Variants in NAALAD2 observed in about 807,000 individuals in gnomAD.
NAALAD2 encodes the protein N-acetylated alpha-linked acidic dipeptidase 2, also known as N-acetylated-alpha-linked acidic dipeptidase 2.
A neutral mutation model predicts 95.6 loss-of-function variants in NAALAD2; 89 were observed. That is an observed-to-expected ratio of 0.93 (90% CI 0.78 to 1.11). The LOEUF is 1.11. Among genes scored for constraint, NAALAD2 ranks in the 50% least tolerant of loss-of-function variants. NAALAD2 has a pLI of 0.00. For synonymous variants in NAALAD2, 264 were observed against 294.4 expected (o/e 0.90, Z 1.06); for missense variants, 894 against 872.4 (o/e 1.02, Z -0.31).
intron 2 of NAALAD2, among the ~76,000 whole-genome samples, chr11:90,146,576 G>A (rs930021807): frequency 5.3e-5 from 8 of 151,838 alleles, no homozygotes; most frequent in African/African-American, 1.9e-4. Context: ...TGTTGGCCAG[G>A]CTGGTCTTGA....
intron 2 of NAALAD2, among the ~76,000 whole-genome samples, chr11:90,136,148 G>C (rs1159353071): frequency 2.0e-5 from 3 of 152,074 alleles, no homozygotes; most frequent in Non-Finnish European, 4.4e-5. Flanking sequence ...AAACCAAAAA[G>C]AATCATTGCC....
At chr11:90,177,402 G>A (rs1028554603) in intron 15 of NAALAD2, among the ~76,000 whole-genome samples, 7 of 150,266 alleles carry the variant, frequency 4.7e-5, no homozygotes, top group African/African-American at 1.5e-4. Context: ...TTTAGTTATC[G>A]AAGATACAAG....
chr11:90,169,264 T>C (rs1221402413), intron 12 of NAALAD2: 1 of 271,334 alleles, frequency 3.7e-6, no homozygotes, highest in Non-Finnish European at 6.8e-6. Context: ...TTTATATTAC[T>C]ACTTAAAACT....
In NAALAD2 at chr11:90,192,209, C is replaced by T. The variant is rs534852343; in HGVS notation, c.*462C>T. 2.6e-5 allele frequency: 4 copies of T among 152,070 alleles called. No homozygotes were observed. The highest frequency in any genetic ancestry group is 6.6e-5 in the Admixed American group (1 of 15,244). 9.4% of individuals were successfully genotyped at this position (152,070 alleles called of 1,614,324 possible). A position where few individuals can be genotyped will look rare whatever the true frequency, so the allele number is the denominator to read the frequency against. ...ATGCATGTTCATTGCAACTTAAAAG[C>T]GTAAAAACCCCAAATGTCCATCCAC... On this transcript the variant is annotated 3_prime_UTR_variant, in exon 19 of 19. Transcript: ENST00000534061.
At chr11:90,173,792 C>A (rs1397081879) in intron 13 of NAALAD2, 32 bp from the exon 14 acceptor site, 1 of 1,519,004 alleles carries the variant, frequency 6.6e-7, no homozygotes, top group African/African-American at 1.4e-5. Context: ...TGCTTCTACC[C>A]CTAATTTCCA....
At chr11:90,137,027 T>C (rs1951467655) in intron 2 of NAALAD2, among the ~76,000 whole-genome samples, 1 of 152,098 alleles carries the variant, frequency 6.6e-6, no homozygotes, top group South Asian at 2.1e-4. Context: ...TTACTCAGCA[T>C]AAAAAAGAAA....
chr11:90,174,423 A>G (rs888291404), intron 14 of NAALAD2, among the ~76,000 whole-genome samples: 1 of 152,140 alleles, frequency 6.6e-6, no homozygotes, highest in African/African-American at 2.4e-5. Flanking sequence ...GAGCACAAAT[A>G]GATCTAGTTT....
At chr11:90,167,880 G>A (rs775508109) in intron 11 of NAALAD2, among the ~76,000 whole-genome samples, 10 of 151,502 alleles carry the variant, frequency 6.6e-5, no homozygotes, top group Non-Finnish European at 1.0e-4. Flanking sequence ...CAGACCAATC[G>A]GCTCTCTGTA....
At chr11:90,167,416 T>C (rs1952498894) in intron 11 of NAALAD2, among the ~76,000 whole-genome samples, 1 of 152,158 alleles carries the variant, frequency 6.6e-6, no homozygotes, top group Non-Finnish European at 1.5e-5. Context: ...CCACCATGCC[T>C]GAGCCTGCGC....
intron 7 of NAALAD2, 98 bp downstream of exon 7, chr11:90,158,336 G>A (rs749131712): frequency 2.5e-6 from 2 of 815,470 alleles, no homozygotes; most frequent in Admixed American, 2.2e-5. Flanking sequence ...TAAACACAAA[G>A]TTTTATAACT....
intron 6 of NAALAD2, among the ~76,000 whole-genome samples, chr11:90,153,549 CAT>C (rs1951946556): frequency 6.6e-6 from 1 of 151,970 alleles, no homozygotes; most frequent in Non-Finnish European, 1.5e-5. Context: ...TGGTCCTTTC[CAT>C]ATGAGTTTTA....
At chr11:90,188,214 GAACTTAA>G (rs1174776413) in intron 18 of NAALAD2, among the ~76,000 whole-genome samples, 1 of 152,094 alleles carries the variant, frequency 6.6e-6, no homozygotes, top group Non-Finnish European at 1.5e-5. Flanking sequence ...CCTTTAGGCT[GAACTTAA>G]AATATTTAAG....
intron 2 of NAALAD2, among the ~76,000 whole-genome samples, chr11:90,138,563 A>G (rs765923841): frequency 8.6e-5 from 13 of 152,010 alleles, no homozygotes; most frequent in Non-Finnish European, 1.6e-4. Flanking sequence ...GTCTAATATC[A>G]TCTTGTTTTC....
intron 17 of NAALAD2, 31 bp downstream of exon 17, chr11:90,181,732 A>ATT (rs769779471): frequency 2.3e-6 from 2 of 878,150 alleles, no homozygotes; most frequent in African/African-American, 5.0e-5. Context: ...TTTTTAAAAA[A>ATT]AAAAAAAAAA....
At chr11:90,167,126 G>A (rs975131699) in intron 11 of NAALAD2, among the ~76,000 whole-genome samples, 2 of 152,330 alleles carry the variant, frequency 1.3e-5, no homozygotes, top group Admixed American at 1.3e-4. Flanking sequence ...GCTGCACTGT[G>A]GGAGCCCCTT....
intron 2 of NAALAD2, among the ~76,000 whole-genome samples, chr11:90,137,512 A>T (rs1951480962): frequency 6.6e-6 from 1 of 152,214 alleles, no homozygotes; most frequent in Non-Finnish European, 1.5e-5. Flanking sequence ...CATAAAATTT[A>T]AAAATAAATA....
At chr11:90,152,507 C>T (rs756740954) in intron 6 of NAALAD2, 23 bp downstream of exon 6, 2 of 1,562,478 alleles carry the variant, frequency 1.3e-6, no homozygotes, top group South Asian at 1.2e-5. Context: ...CCTATCAGTC[C>T]ACCAATTTTG....
chr11:90,167,905 G>T (rs1331930873), intron 11 of NAALAD2, among the ~76,000 whole-genome samples: 1 of 152,186 alleles, frequency 6.6e-6, no homozygotes, highest in Non-Finnish European at 1.5e-5. Context: ...GGACCAGTCA[G>T]CAGGATGTGG....
At position 90,170,093 on chromosome 11, in the gene NAALAD2, G is replaced by C; in HGVS notation, c.1367G>C (p.Cys456Ser). 1 of 1,590,192 alleles carries C rather than the reference G, an allele frequency of 6.3e-7. No homozygotes were observed. Among genetic ancestry groups the C allele is most frequent in the East Asian group, 2.2e-5 (1 of 44,606 alleles). The change falls in exon 13 of 19, where the codon TGT becomes TCT. Residue 456 changes from cysteine (C) to serine (S), a missense_variant. Physicochemically the swap from Cys to Ser is moderately radical, Grantham distance 112. Transcript: ENST00000534061. ...IEGNYTLRVDCTPLLYQLVYK... is the reference protein window; with the variant it reads ...IEGNYTLRVDSTPLLYQLVYK... ...GGCAATTATACTCTCAGAGTTGACT[G>C]TACTCCCCTTCTTTACCAATTAGTG...
Sources: gnomAD v4.1 joint callset for allele counts (sites outside exome capture counted in the v4.1 genomes callset) on GRCh38, gnomAD v4.1.1 for gene constraint, MANE v1.5 for transcripts, NCBI Gene and HGNC (gene_info 2026-07-23, HGNC 2026-07-21) for gene names.